IFI44: variants seen among roughly 807,000 people sequenced by gnomAD.
The protein encoded by IFI44 is interferon-induced protein 44.
IFI44 carries 42 observed loss-of-function variants against 45.0 expected under a neutral mutation model. That is an observed-to-expected ratio of 0.93 (90% CI 0.73 to 1.21). IFI44 has a LOEUF of 1.21. Ranked by LOEUF, IFI44 falls within the 50% of genes most tolerant of loss-of-function variation. IFI44 has a pLI of 0.00. For missense variants in IFI44, 623 were observed against 525.8 expected, an observed-to-expected ratio of 1.18 and a Z score of -1.81; for synonymous variants, 221 against 188.6, an observed-to-expected ratio of 1.17 and a Z score of -1.41.
chr1:78,655,967 A>G (rs1316976601), intron 5 of IFI44, among the ~76,000 whole-genome samples: 4 of 152,198 alleles, frequency 2.6e-5, no homozygotes, highest in Non-Finnish European at 5.9e-5. Context: ...GGAGGTAATT[A>G]GGTCATGAAG....
chr1:78,655,627 G>A, intron 5 of IFI44, 116 bp downstream of exon 5: 5 of 957,854 alleles, frequency 5.2e-6, no homozygotes, highest in Non-Finnish European at 7.4e-6. Context: ...GTCTCTTTTA[G>A]ATTTTTTTTT....
chr1:78,651,560 C>T (rs999072317), intron 2 of IFI44, among the ~76,000 whole-genome samples: 3 of 152,172 alleles, frequency 2.0e-5, no homozygotes, highest in Non-Finnish European at 4.4e-5. Context: ...CAAAGAGCCA[C>T]GGCTCCGTGG....
At chr1:78,663,450 G>A (rs889707568) in intron 8 of IFI44, 134 of 985,352 alleles carry the variant, frequency 1.4e-4, no homozygotes, top group Middle Eastern at 5.2e-4. Context: ...AGTACATGCT[G>A]CTCTGTTCCA....
chr1:78,650,791 T>C, intron 2 of IFI44, 139 bp downstream of exon 2: 2 of 595,014 alleles, frequency 3.4e-6, no homozygotes, highest in South Asian at 5.0e-5. Context: ...TGGATACAGA[T>C]TGTTTGCTAA....
Position 78,659,299 on chromosome 1 carries a change from G to A in IFI44, c.841-13G>A, listed in dbSNP as rs183668702. 1.1e-5 allele frequency: 18 copies of A among 1,597,278 alleles called. No individual in the cohort carries two copies. In the African/African-American group the frequency reaches 2.1e-4, roughly 19 times the overall value. ...TTGTTGAATTAATATCTTGCTTTATGTCTACCTTACAGTTTAATCCCATGG... is the reference window on the plus strand; with the variant it reads ...TTGTTGAATTAATATCTTGCTTTATATCTACCTTACAGTTTAATCCCATGG... On this transcript the variant is annotated splice_polypyrimidine_tract_variant and intron_variant, in intron 5 of 8. Transcript: ENST00000370747.
chr1:78,660,485 A>C, intron 6 of IFI44, 69 bp from the exon 7 acceptor site: 1 of 1,147,142 alleles, frequency 8.7e-7, no homozygotes, highest in Admixed American at 1.8e-5. Context: ...CTATTACATA[A>C]TTGATAGTTA....
At chr1:78,654,721 A>T (rs577622073) in intron 3 of IFI44, among the ~76,000 whole-genome samples, 36 of 152,016 alleles carry the variant, frequency 2.4e-4, no homozygotes, top group Middle Eastern at 3.4e-3. Context: ...TCTGAAGTTT[A>T]GTCTTAAATA....
chr1:78,659,187 G>T (rs1647311999), intron 5 of IFI44, 125 bp from the exon 6 acceptor site: 2 of 715,242 alleles, frequency 2.8e-6, no homozygotes, highest in Non-Finnish European at 4.6e-6. Flanking sequence ...AAGATTGTTA[G>T]CCTCATACTA....
In IFI44 at chr1:78,655,491, A is replaced by G. The variant is rs181860562; in HGVS notation, c.820A>G (p.Asn274Asp). The change falls in exon 5 of 9, where the codon AAC becomes GAC. Residue 274 changes from asparagine (N) to aspartate (D), a missense_variant. By Grantham distance (23) the Asn-to-Asp change is conservative. Transcript: ENST00000370747. Reference sequence around the variant, plus strand: ...TGACATATTCTATATCTTGAACGGTAACATTCGTGATAGATACCAGGTAAT... The same window carrying G: ...TGACATATTCTATATCTTGAACGGTGACATTCGTGATAGATACCAGGTAAT... The part of the protein sequence containing the change: ...RDDIFYILNG[N>D]IRDRYQFNPM... The G allele has an allele frequency of 7.5e-6, 12 of 1,609,690 alleles. No homozygotes were observed. The Admixed American group carries it at 1.4e-4, about 18-fold the overall frequency.
rs968634857 is a variant in IFI44 at position 78,663,910 on chromosome 1, A to T, written c.*99A>T. The T allele has an allele frequency of 4.6e-6, 5 of 1,081,512 alleles. No individual in the cohort carries two copies. Among genetic ancestry groups the T allele is most frequent in the African/African-American group, 3.2e-5 (2 of 62,722 alleles). The allele number at this position is 1,081,512 out of a possible 1,614,324, so 67.0% of individuals were successfully genotyped here. A position where few individuals can be genotyped will look rare whatever the true frequency, so the allele number is the denominator to read the frequency against. Reference sequence around the variant, plus strand: ...AAGAGAAGTATCTAAGACCAAAGGGATGTGTTTTATTAATGTCTAGGATGA... The same window carrying T: ...AAGAGAAGTATCTAAGACCAAAGGGTTGTGTTTTATTAATGTCTAGGATGA... On this transcript the variant is annotated 3_prime_UTR_variant, in exon 9 of 9. Transcript: ENST00000370747.
intron 5 of IFI44, among the ~76,000 whole-genome samples, chr1:78,657,226 T>C (rs1647233346): frequency 1.3e-5 from 2 of 152,142 alleles, no homozygotes; most frequent in Non-Finnish European, 2.9e-5. Flanking sequence ...ATCTTTAAGT[T>C]TGTTTGAAAA....
rs1224867712 is a variant in IFI44, at chr1:78,659,301, C to T, written c.841-11C>T. On this transcript the variant is annotated splice_polypyrimidine_tract_variant and intron_variant, in intron 5 of 8. Transcript: ENST00000370747. Reference sequence around the variant, plus strand: ...GTTGAATTAATATCTTGCTTTATGTCTACCTTACAGTTTAATCCCATGGAA... The same window carrying T: ...GTTGAATTAATATCTTGCTTTATGTTTACCTTACAGTTTAATCCCATGGAA... 6.3e-7 allele frequency: 1 copy of T among 1,599,680 alleles called. No homozygotes were observed. Among genetic ancestry groups the T allele is most frequent in the Non-Finnish European group, 8.6e-7 (1 of 1,168,238 alleles).
At chr1:78,653,237 A>G (rs1647151721) in intron 2 of IFI44, among the ~76,000 whole-genome samples, 1 of 152,014 alleles carries the variant, frequency 6.6e-6, no homozygotes, top group Admixed American at 6.5e-5. Context: ...CCATTAATGA[A>G]ATGGGATTTT....
intron 8 of IFI44, chr1:78,663,080 G>A (rs1013590433): frequency 7.5e-5 from 74 of 985,092 alleles, no homozygotes; most frequent in Non-Finnish European, 8.4e-5. Flanking sequence ...TAGAGAATCT[G>A]CACTATGTTT....
rs886969937 is a variant in IFI44 at position 78,658,789 on chromosome 1, G to A, written c.841-523G>A. 4.6e-5 allele frequency among the ~76,000 whole-genome samples: 7 copies of A among 152,120 alleles called. No individual in the cohort carries two copies. The East Asian group carries it at 1.3e-3, about 29-fold the overall frequency. ...ATGTTATATTGACTTATCAGACATTGTTTAACTGACATGGCATTTTTCTGC... is the reference window on the plus strand; with the variant it reads ...ATGTTATATTGACTTATCAGACATTATTTAACTGACATGGCATTTTTCTGC... On this transcript the variant is annotated intron_variant, in intron 5 of 8. Coordinates refer to ENST00000370747, the MANE Select transcript of IFI44 (RefSeq NM_006417.5).
chr1:78,653,481 A>G (rs1054141105), intron 2 of IFI44, among the ~76,000 whole-genome samples: 1 of 152,200 alleles, frequency 6.6e-6, no homozygotes, highest in Admixed American at 6.5e-5. Context: ...GTTGCCATAC[A>G]TATAGCCATG....
At chr1:78,658,466 T>C (rs1647282253) in intron 5 of IFI44, among the ~76,000 whole-genome samples, 1 of 152,192 alleles carries the variant, frequency 6.6e-6, no homozygotes, top group African/African-American at 2.4e-5. Flanking sequence ...TCAATCAGAA[T>C]AGTTTATTCT....
chr1:78,663,161 A>G lies in IFI44; in HGVS notation c.1288+283A>G, dbSNP rs935447645. ...GTCATTTCCACTCTCTGAACATCCC[A>G]AGCTGTATCCCTGGCCTCTTTTCTC... On this transcript the variant is annotated intron_variant, in intron 8 of 8. Transcript: ENST00000370747. The G allele has an allele frequency of 1.1e-5, 11 of 985,164 alleles. No individual in the cohort carries two copies. The African/African-American group carries it at 1.9e-4, about 17-fold the overall frequency. The allele number at this position is 985,164 out of a possible 1,614,324, so 61.0% of individuals were successfully genotyped here.
Position 78,655,528 on chromosome 1 carries a change from G to A in IFI44, c.840+17G>A, listed in dbSNP as rs200238413. ...AGATACCAGGTAATATTTGACTAAT[G>A]AGAAATTATAACTGATTTTTAAAAT... On this transcript the variant is annotated intron_variant, in intron 5 of 8. Coordinates refer to ENST00000370747, the MANE Select transcript of IFI44 (RefSeq NM_006417.5). 5 of 1,584,916 alleles carry A rather than the reference G, an allele frequency of 3.2e-6. No homozygotes were observed. The highest frequency in any genetic ancestry group is 3.4e-6 in the Non-Finnish European group (4 of 1,163,950).
Sources: gnomAD v4.1 joint callset for allele counts (sites outside exome capture counted in the v4.1 genomes callset) on GRCh38, gnomAD v4.1.1 for gene constraint, MANE v1.5 for transcripts, NCBI Gene and HGNC (gene_info 2026-07-23, HGNC 2026-07-21) for gene names.